Variants in ZFP30 observed in about 807,000 individuals in gnomAD.
The protein encoded by ZFP30 is zinc finger protein 30 homolog.
A neutral mutation model predicts 12.3 loss-of-function variants in ZFP30; 16 were observed. That is an observed-to-expected ratio of 1.30 (90% CI 0.88 to 1.98). The LOEUF (loss-of-function observed/expected upper bound fraction) is 1.98. Ranked by LOEUF, ZFP30 falls within the 30% of genes most tolerant of loss-of-function variation. The probability of loss-of-function intolerance (pLI) is 0.00; values close to 1 mark genes in which losing one functional copy is unlikely to be tolerated. For missense variants in ZFP30, 560 were observed against 611.2 expected (o/e 0.92, Z 0.88); for synonymous variants, 172 against 201.0 (o/e 0.86, Z 1.22).
chr19:37,655,942 G>A (rs1384204384), upstream of ZFP30: 1 of 152,410 alleles, frequency 6.6e-6, no homozygotes, highest in Non-Finnish European at 1.5e-5. Flanking sequence ...GAGGTTTGGA[G>A]GAGGGTGGAG....
At chr19:37,640,021 A>G (rs2044404308) in intron 5 of ZFP30, among the ~76,000 whole-genome samples, 1 of 152,344 alleles carries the variant, frequency 6.6e-6, no homozygotes, top group South Asian at 2.1e-4. Flanking sequence ...TAAAATTATT[A>G]ATGTTTAAAG....
At position 37,635,915 on chromosome 19, in the gene ZFP30, G is replaced by T. The variant is rs1225771969; in HGVS notation, c.626C>A (p.Thr209Asn). The T allele has an allele frequency of 6.2e-7, 1 of 1,613,916 alleles. No individual in the cohort carries two copies. The highest frequency in any genetic ancestry group is 8.5e-7 in the Non-Finnish European group (1 of 1,180,018). The part of the protein sequence containing the change: ...AHLSRHQRIH[T>N]SDKLYECKKC... The stretch of plus-strand genomic sequence containing the variant: ...TTTACATTCATAGAGTTTGTCAGAA[G>T]TATGAATTCTCTGATGTCGACTGAG... The change falls in exon 6 of 6, where the codon ACT becomes AAT. Residue 209 changes from threonine (T) to asparagine (N), a missense_variant. Coordinates refer to ENST00000684514, the MANE Select transcript of ZFP30 (RefSeq NM_001320669.3).
At chr19:37,636,381 C>T (rs866788077) in intron 5 of ZFP30, 76 bp from the exon 6 acceptor site, 3 of 1,138,932 alleles carry the variant, frequency 2.6e-6, no homozygotes, top group Admixed American at 4.1e-5. Context: ...TAATAGAAAT[C>T]GGTGACCAAA....
chr19:37,637,184 CTTT>C (rs1451276845), intron 5 of ZFP30, among the ~76,000 whole-genome samples: 1 of 147,512 alleles, frequency 6.8e-6, no homozygotes, highest in Non-Finnish European at 1.5e-5. Context: ...CCAGTCACTT[CTTT>C]CTTTTTTCTT....
chr19:37,634,585 G>A lies in ZFP30; in HGVS notation c.*396C>T, dbSNP rs1184484769. On this transcript the variant is annotated 3_prime_UTR_variant, in exon 6 of 6. Transcript: ENST00000684514. ...GAAGAACTTTACCTCCTTAACTTCTGGTTGCCCTGAAATACAGTTCCTACA... is the reference window on the plus strand; with the variant it reads ...GAAGAACTTTACCTCCTTAACTTCTAGTTGCCCTGAAATACAGTTCCTACA... 6.2e-6 allele frequency: 1 copy of A among 162,352 alleles called. No homozygotes were observed. Among genetic ancestry groups the A allele is most frequent in the East Asian group, 1.8e-4 (1 of 5,536 alleles). 10.1% of individuals were successfully genotyped at this position (162,352 alleles called of 1,614,324 possible). A position where few individuals can be genotyped will look rare whatever the true frequency, so the allele number is the denominator to read the frequency against.
chr19:37,650,445 C>G (rs1215610617), intron 2 of ZFP30, among the ~76,000 whole-genome samples: 1 of 152,060 alleles, frequency 6.6e-6, no homozygotes, highest in Non-Finnish European at 1.5e-5. Flanking sequence ...TATACCTGAA[C>G]AAAAATTCAA....
intron 2 of ZFP30, among the ~76,000 whole-genome samples, chr19:37,654,441 G>T (rs1305007267): frequency 5.3e-5 from 8 of 152,134 alleles, no homozygotes; most frequent in Non-Finnish European, 1.2e-4. Flanking sequence ...TCCAGCACGG[G>T]TATTTCCATA....
At chr19:37,637,105 G>T (rs904289988) in intron 5 of ZFP30, among the ~76,000 whole-genome samples, 2 of 151,634 alleles carry the variant, frequency 1.3e-5, no homozygotes. Flanking sequence ...CATCCATCAG[G>T]TTTCATTTTA....
chr19:37,653,118 C>CAAAAAAA (rs372066359), intron 2 of ZFP30, among the ~76,000 whole-genome samples: 2 of 48,646 alleles, frequency 4.1e-5, no homozygotes, highest in Non-Finnish European at 8.6e-5. Flanking sequence ...AACTCCGTCT[C>CAAAAAAA]AAAAAAAAAA....
At position 37,632,041 on chromosome 19, in the gene ZFP30, A is replaced by G. The variant is rs2044241605; in HGVS notation, c.*2940T>C. The G allele has an allele frequency of 6.6e-6, 1 of 152,052 alleles. No individual in the cohort carries two copies. Among genetic ancestry groups the G allele is most frequent in the South Asian group, 2.1e-4 (1 of 4,826 alleles). The allele number at this position is 152,052 out of a possible 1,614,324, so 9.4% of individuals were successfully genotyped here. A position where few individuals can be genotyped will look rare whatever the true frequency, so the allele number is the denominator to read the frequency against. Reference sequence around the variant, plus strand: ...CCAATTCTTCAAAGATTTTACTTGTAAAAAATTAGGTTCTCGGAGTCTCTC... The same window carrying G: ...CCAATTCTTCAAAGATTTTACTTGTGAAAAATTAGGTTCTCGGAGTCTCTC... On this transcript the variant is annotated 3_prime_UTR_variant, in exon 6 of 6. Coordinates refer to ENST00000684514, the MANE Select transcript of ZFP30 (RefSeq NM_001320669.3).
At chr19:37,643,435 G>A (rs908782893) in intron 4 of ZFP30, 72 bp from the exon 5 acceptor site, 1 of 1,136,842 alleles carries the variant, frequency 8.8e-7, no homozygotes, top group Non-Finnish European at 1.2e-6. Context: ...TATCAGGATT[G>A]AAAAACATTC....
At chr19:37,642,147 A>G (rs2044448290) in intron 5 of ZFP30, among the ~76,000 whole-genome samples, 1 of 152,222 alleles carries the variant, frequency 6.6e-6, no homozygotes, top group African/African-American at 2.4e-5. Flanking sequence ...CACAATGGTA[A>G]TATTCTATCA....
intron 2 of ZFP30, among the ~76,000 whole-genome samples, chr19:37,650,262 G>A (rs979083002): frequency 1.3e-5 from 2 of 151,894 alleles, no homozygotes; most frequent in Admixed American, 6.6e-5. Context: ...GGGACTAAAG[G>A]CACATGACAC....
At chr19:37,653,998 T>C (rs2044703649) in intron 2 of ZFP30, among the ~76,000 whole-genome samples, 2 of 152,212 alleles carry the variant, frequency 1.3e-5, no homozygotes, top group African/African-American at 4.8e-5. Context: ...AGGAAATGAC[T>C]GAGCATCATC....
Position 37,631,371 on chromosome 19 carries a change from A to G in ZFP30, c.*3610T>C, listed in dbSNP as rs2044229921. The G allele has an allele frequency of 6.6e-6, 1 of 152,212 alleles. No homozygotes were observed. Among genetic ancestry groups the G allele is most frequent in the South Asian group, 2.1e-4 (1 of 4,836 alleles). The allele number at this position is 152,212 out of a possible 1,614,324, so 9.4% of individuals were successfully genotyped here. On this transcript the variant is annotated 3_prime_UTR_variant, in exon 6 of 6. Transcript: ENST00000684514. Reference sequence around the variant, plus strand: ...TTATTAATTTTAATATGCTCATTTAACCACAGAATGCTTTCTAAAAATACC... The same window carrying G: ...TTATTAATTTTAATATGCTCATTTAGCCACAGAATGCTTTCTAAAAATACC...
At chr19:37,646,007 CA>C (rs1370527975) in intron 3 of ZFP30, among the ~76,000 whole-genome samples, 2 of 151,986 alleles carry the variant, frequency 1.3e-5, no homozygotes, top group African/African-American at 4.8e-5. Flanking sequence ...AACCATGGTC[CA>C]AAAATATAAA....
intron 5 of ZFP30, among the ~76,000 whole-genome samples, chr19:37,638,812 T>A (rs1181177131): frequency 6.6e-6 from 1 of 152,198 alleles, no homozygotes; most frequent in East Asian, 1.9e-4. Flanking sequence ...GGACAGTGGT[T>A]AGTCTTGGTG....
chr19:37,647,945 G>A, intron 2 of ZFP30, 46 bp from the exon 3 acceptor site: 1 of 1,179,744 alleles, frequency 8.5e-7, no homozygotes, highest in Non-Finnish European at 1.2e-6. Flanking sequence ...CTGCCTCAGA[G>A]TTTCCAAATT....
chr19:37,645,803 G>A, intron 3 of ZFP30, among the ~76,000 whole-genome samples: 1 of 151,704 alleles, frequency 6.6e-6, no homozygotes, highest in African/African-American at 2.4e-5. Context: ...AAAATGAACT[G>A]TAAAATGCCT....
Sources: allele counts gnomAD v4.1 joint callset (sites outside exome capture counted in the v4.1 genomes callset), GRCh38; gene constraint gnomAD v4.1.1; transcripts MANE v1.5; gene names NCBI Gene and HGNC (gene_info 2026-07-23, HGNC 2026-07-21).